DNA2: variants seen among roughly 807,000 people sequenced by gnomAD.
DNA2 encodes the protein DNA replication ATP-dependent helicase/nuclease DNA2.
In DNA2, 101 loss-of-function variants were observed where a neutral mutation model predicts 119.1. The observed-to-expected ratio is 0.85, with a 90% CI of 0.72 to 1.00. DNA2 has a LOEUF of 1.00. Among genes scored for constraint, DNA2 ranks in the 50% least tolerant of loss-of-function variants. The probability of loss-of-function intolerance (pLI) is 0.00; values close to 1 mark genes in which losing one functional copy is unlikely to be tolerated. For synonymous variants in DNA2, 366 were observed against 424.4 expected, an observed-to-expected ratio of 0.86 and a Z score of 1.69; for missense variants, 1,121 against 1,255.5, an observed-to-expected ratio of 0.89 and a Z score of 1.62.
intron 2 of DNA2, among the ~76,000 whole-genome samples, 165 bp from the exon 3 acceptor site, chr10:68,468,471 T>C (rs985683210): frequency 1.3e-5 from 2 of 152,034 alleles, no homozygotes; most frequent in Non-Finnish European, 2.9e-5. Flanking sequence ...CAGGATACAG[T>C]CTTCTAAAAC....
Position 68,414,964 on chromosome 10 carries a change from G to T in DNA2, c.*75C>A. 1.1e-6 allele frequency: 1 copy of T among 918,674 alleles called. No individual in the cohort carries two copies. Among genetic ancestry groups the T allele is most frequent in the Non-Finnish European group, 1.7e-6 (1 of 601,794 alleles). The allele number at this position is 918,674 out of a possible 1,614,324, so 56.9% of individuals were successfully genotyped here. Reference sequence around the variant, plus strand: ...TAAATACTGCATTAAATTTTGTATGGTGATAGAATTTTCTGTATGGGCACT... The same window carrying T: ...TAAATACTGCATTAAATTTTGTATGTTGATAGAATTTTCTGTATGGGCACT... On this transcript the variant is annotated 3_prime_UTR_variant, in exon 21 of 21. Transcript: ENST00000358410.
In DNA2 at chr10:68,422,891, C is replaced by A; in HGVS notation, c.2209-1G>T. On this transcript the variant is annotated splice_acceptor_variant, in intron 14 of 20. Transcript: ENST00000358410. LOFTEE classifies it high-confidence loss of function. ...CCATACATGTTGTTGCAACTATAAG[C>A]TAAAAACAAGGAAAACAGATCAGTT... is the stretch of plus-strand genomic sequence containing the variant. 6.4e-7 allele frequency: 1 copy of A among 1,558,020 alleles called. No individual in the cohort carries two copies. The highest frequency in any genetic ancestry group is 1.4e-5 in the African/African-American group (1 of 72,192).
chr10:68,436,911 T>C (rs910118118), intron 10 of DNA2, 100 bp downstream of exon 10: 5 of 918,654 alleles, frequency 5.4e-6, no homozygotes, highest in East Asian at 2.4e-5. Context: ...GCTGTGAATA[T>C]ACTAAAAACC....
chr10:68,435,607 G>A (rs762207286), intron 10 of DNA2, among the ~76,000 whole-genome samples: 1 of 151,934 alleles, frequency 6.6e-6, no homozygotes, highest in African/African-American at 2.4e-5. Flanking sequence ...AGGCATGTGC[G>A]CTACCATGCC....
intron 5 of DNA2, among the ~76,000 whole-genome samples, chr10:68,457,007 A>G (rs1046292880): frequency 5.3e-5 from 8 of 151,710 alleles, no homozygotes; most frequent in Admixed American, 1.3e-4. Flanking sequence ...GGTGGCAGGC[A>G]CCTGTAGTCC....
chr10:68,437,368 GC>G, intron 9 of DNA2, 127 bp from the exon 10 acceptor site: 1 of 796,824 alleles, frequency 1.3e-6, no homozygotes, highest in East Asian at 2.7e-5. Flanking sequence ...GGGTGTGGTG[GC>G]TCACGCCTGT....
rs556389585 is a variant in DNA2 at position 68,453,362 on chromosome 10, A to C, written c.720-3115T>G. Reference sequence around the variant, plus strand: ...ACATTTCCTTAGTCTACAAACCATGAGAATTTTAGATATCCTTTTAAGTTC... The same window carrying C: ...ACATTTCCTTAGTCTACAAACCATGCGAATTTTAGATATCCTTTTAAGTTC... On this transcript the variant is annotated intron_variant, in intron 5 of 20. Coordinates refer to ENST00000358410, the MANE Select transcript of DNA2 (RefSeq NM_001080449.3). Among the ~76,000 whole-genome samples the C allele has an allele frequency of 2.6e-5, 4 of 152,324 alleles. No homozygotes were observed. The South Asian group carries it at 8.3e-4, about 32-fold the overall frequency.
At chr10:68,470,341 C>A in intron 1 of DNA2, 178 bp from the exon 2 acceptor site, 1 of 543,208 alleles carries the variant, frequency 1.8e-6, no homozygotes, top group East Asian at 3.1e-5. Context: ...AGAAGAATTC[C>A]TATTATAAAA....
intron 5 of DNA2, among the ~76,000 whole-genome samples, chr10:68,451,321 G>A (rs1020164276): frequency 4.0e-5 from 6 of 151,480 alleles, no homozygotes; most frequent in Non-Finnish European, 2.9e-5. Flanking sequence ...TTTTATAAAA[G>A]AGGTTCTGAC....
Position 68,465,697 on chromosome 10 carries a change from G to T in DNA2, c.557C>A (p.Thr186Lys). 6.2e-7 allele frequency: 1 copy of T among 1,600,688 alleles called. No individual in the cohort carries two copies. Among genetic ancestry groups the T allele is most frequent in the Middle Eastern group, 1.7e-4 (1 of 6,010 alleles). Reference protein sequence around the residue: ...PEKLQELAFQTIQEIRHLKEM... With the variant: ...PEKLQELAFQKIQEIRHLKEM... ...CTTCAAATGTCTTATTTCTTGAATT[G>T]TTTGAAAAGCAAGTTCTTGTAGCTT... Residue 186 changes from threonine (T) to lysine (K), a missense_variant, in exon 4 of 21, where the codon ACA becomes AAA. By Grantham distance (78) the Thr-to-Lys change is moderately conservative (BLOSUM62 -1). Coordinates refer to ENST00000358410, the MANE Select transcript of DNA2 (RefSeq NM_001080449.3).
intron 3 of DNA2, among the ~76,000 whole-genome samples, chr10:68,466,638 G>A (rs1214925945): frequency 6.7e-6 from 1 of 148,508 alleles, no homozygotes; most frequent in African/African-American, 2.5e-5. Context: ...GAGTGCAGCC[G>A]CGCGACTTTT....
At chr10:68,423,834 G>A (rs2133364577) in intron 14 of DNA2, among the ~76,000 whole-genome samples, 1 of 152,354 alleles carries the variant, frequency 6.6e-6, no homozygotes, top group Admixed American at 6.5e-5. Flanking sequence ...AGAAGGCTGA[G>A]TGGGGAACCC....
intron 9 of DNA2, among the ~76,000 whole-genome samples, chr10:68,441,318 A>T (rs556132734): frequency 6.9e-6 from 1 of 145,818 alleles, no homozygotes; most frequent in African/African-American, 2.5e-5. Context: ...AGGGCAGCAG[A>T]GTGTGACCCT....
chr10:68,440,967 G>A (rs2133394250), intron 9 of DNA2, among the ~76,000 whole-genome samples: 1 of 152,140 alleles, frequency 6.6e-6, no homozygotes, highest in South Asian at 2.1e-4. Flanking sequence ...GATCACTTGA[G>A]CTCAGGAATT....
At chr10:68,429,852 T>C (rs1228031776) in intron 14 of DNA2, among the ~76,000 whole-genome samples, 1 of 151,318 alleles carries the variant, frequency 6.6e-6, no homozygotes, top group African/African-American at 2.4e-5. Flanking sequence ...AGTACCATTG[T>C]TTCTAATTCA....
At chr10:68,429,246 TAAAA>T (rs530484976) in intron 14 of DNA2, among the ~76,000 whole-genome samples, 1 of 117,784 alleles carries the variant, frequency 8.5e-6, no homozygotes, top group Non-Finnish European at 1.9e-5. Context: ...AAGGTTCAAT[TAAAA>T]AAAAAAAAAA....
chr10:68,465,471 G>A (rs2052316399), intron 4 of DNA2, among the ~76,000 whole-genome samples, 196 bp downstream of exon 4: 1 of 152,008 alleles, frequency 6.6e-6, no homozygotes, highest in Non-Finnish European at 1.5e-5. Flanking sequence ...AAATATTTAG[G>A]TATTTTTACC....
intron 17 of DNA2, 111 bp downstream of exon 17, chr10:68,422,114 A>T: frequency 2.4e-6 from 2 of 844,616 alleles, no homozygotes; most frequent in Non-Finnish European, 3.5e-6. Flanking sequence ...CGCCCAGCCT[A>T]GTTTTGCCTT....
chr10:68,443,667 G>C (rs947963041), intron 8 of DNA2, among the ~76,000 whole-genome samples: 1 of 152,144 alleles, frequency 6.6e-6, no homozygotes, highest in African/African-American at 2.4e-5. Context: ...ATTTATATGA[G>C]GCCGAGTGCA....
Sources: gnomAD v4.1 joint callset for allele counts (sites outside exome capture counted in the v4.1 genomes callset) on GRCh38, gnomAD v4.1.1 for gene constraint, MANE v1.5 for transcripts, NCBI Gene and HGNC (gene_info 2026-07-23, HGNC 2026-07-21) for gene names.